Variants in TUSC3 observed in about 807,000 individuals in gnomAD.
TUSC3 encodes the protein tumor suppressor candidate 3, also known as dolichyl-diphosphooligosaccharide--protein glycosyltransferase subunit TUSC3.
A neutral mutation model predicts 44.8 loss-of-function variants in TUSC3; 45 were observed. That is an observed-to-expected ratio of 1.00 (90% CI 0.79 to 1.29). The LOEUF (loss-of-function observed/expected upper bound fraction) is 1.29. Among genes scored for constraint, TUSC3 ranks in the 50% most tolerant of loss-of-function variants. TUSC3 has a pLI of 0.00. For synonymous variants in TUSC3, 212 were observed against 152.9 expected (o/e 1.39, Z -2.85); for missense variants, 519 against 437.9 (o/e 1.19, Z -1.65).
the TUSC3 span, among the ~76,000 whole-genome samples, chr8:15,813,838 G>A: frequency 8.2e-3 from 1,241 of 151,992 alleles, 10 homozygotes; most frequent in African/African-American, 0.028. Flanking sequence ...GAAGTATTAC[G>A]TTGAGGCAGT....
At chr8:15,656,100 T>G (rs1585198884) in intron 3 of TUSC3, among the ~76,000 whole-genome samples, 1 of 151,874 alleles carries the variant, frequency 6.6e-6, no homozygotes, top group Admixed American at 6.6e-5. Context: ...AATATGATGG[T>G]TTGAATATTT....
chr8:15,808,422 C>G, the TUSC3 span, among the ~76,000 whole-genome samples: 1 of 152,102 alleles, frequency 6.6e-6, no homozygotes, highest in Non-Finnish European at 1.5e-5. Context: ...CATTTTATTA[C>G]TATCAGTGAG....
intron 1 of TUSC3, among the ~76,000 whole-genome samples, chr8:15,427,410 C>T (rs1209748336): frequency 6.6e-6 from 1 of 151,892 alleles, no homozygotes; most frequent in African/African-American, 2.4e-5. Flanking sequence ...TAGCTGGCAC[C>T]AGGGAAAGGC....
intron 1 of TUSC3, among the ~76,000 whole-genome samples, chr8:15,621,190 T>C (rs1805229146): frequency 6.6e-6 from 1 of 151,844 alleles, no homozygotes; most frequent in African/African-American, 2.4e-5. Context: ...TTTTATCTTA[T>C]TATTTTAAAA....
chr8:15,430,548 A>T (rs1202129372), intron 1 of TUSC3, among the ~76,000 whole-genome samples: 1 of 151,190 alleles, frequency 6.6e-6, no homozygotes, highest in African/African-American at 2.5e-5. Context: ...AACTGGAAGC[A>T]TTCCCTTTGC....
chr8:15,693,448 T>G (rs923879428), intron 6 of TUSC3, among the ~76,000 whole-genome samples: 1 of 148,748 alleles, frequency 6.7e-6, no homozygotes, highest in East Asian at 2.0e-4. Flanking sequence ...GTTCTTTTTT[T>G]TTTTTTTTTT....
At chr8:15,700,509 C>T (rs1809351920) in intron 6 of TUSC3, among the ~76,000 whole-genome samples, 1 of 152,068 alleles carries the variant, frequency 6.6e-6, no homozygotes, top group Non-Finnish European at 1.5e-5. Context: ...TAAATTTCTT[C>T]AGTTAATGGA....
chr8:15,718,434 C>T (rs1810148959), intron 6 of TUSC3, among the ~76,000 whole-genome samples: 1 of 152,008 alleles, frequency 6.6e-6, no homozygotes, highest in East Asian at 1.9e-4. Flanking sequence ...TTTATGTGTA[C>T]AGTTTTGATT....
At chr8:15,447,473 C>G (rs928083187) in intron 1 of TUSC3, among the ~76,000 whole-genome samples, 1 of 151,770 alleles carries the variant, frequency 6.6e-6, no homozygotes, top group African/African-American at 2.4e-5. Flanking sequence ...AAAAAGTTTC[C>G]TAGGAAGAAA....
At chr8:15,785,968 T>C in the TUSC3 span, among the ~76,000 whole-genome samples, 1 of 152,232 alleles carries the variant, frequency 6.6e-6, no homozygotes, top group African/African-American at 2.4e-5. Flanking sequence ...AAATGTATTA[T>C]ATGAAAGGCA....
chr8:15,643,848 TTAAG>T (rs1322929073), intron 2 of TUSC3, among the ~76,000 whole-genome samples: 4 of 152,150 alleles, frequency 2.6e-5, no homozygotes, highest in African/African-American at 4.8e-5. Flanking sequence ...GACCAGAACC[TTAAG>T]TAATAGGTGA....
chr8:15,727,436 T>A (rs1203277875), intron 6 of TUSC3, among the ~76,000 whole-genome samples: 1 of 152,132 alleles, frequency 6.6e-6, no homozygotes, highest in African/African-American at 2.4e-5. Flanking sequence ...AATATAGGTA[T>A]TTTTTCCTAT....
intron 1 of TUSC3, among the ~76,000 whole-genome samples, chr8:15,553,323 A>G (rs1390889940): frequency 6.6e-6 from 1 of 151,698 alleles, no homozygotes; most frequent in African/African-American, 2.4e-5. Context: ...ACCTGTTGCA[A>G]ACCCCTCAAA....
At chr8:15,522,209 A>T (rs2129129563) in intron 2 of TUSC3, among the ~76,000 whole-genome samples, 1 of 152,060 alleles carries the variant, frequency 6.6e-6, no homozygotes, top group African/African-American at 2.4e-5. Context: ...AAGTGCTAGT[A>T]AGTCAATAAA....
At chr8:15,745,116 T>C (rs1041855852) in intron 8 of TUSC3, among the ~76,000 whole-genome samples, 1 of 152,114 alleles carries the variant, frequency 6.6e-6, no homozygotes, top group Non-Finnish European at 1.5e-5. Flanking sequence ...GTAAAGGAGA[T>C]GATTTTGTTC....
intron 1 of TUSC3, among the ~76,000 whole-genome samples, chr8:15,478,114 G>T (rs1346623618): frequency 6.6e-6 from 1 of 151,794 alleles, no homozygotes; most frequent in Non-Finnish European, 1.5e-5. Context: ...GCACCACCAT[G>T]CCCAGCTAAC....
chr8:15,839,509 G>T, the TUSC3 span, among the ~76,000 whole-genome samples: 418 of 146,516 alleles, frequency 2.9e-3, 1 homozygote, highest in African/African-American at 0.01. Context: ...AATCTACAAA[G>T]AACTCAAACA....
At chr8:15,561,746 G>C (rs566345877) in intron 1 of TUSC3, 2 of 145,410 alleles carry the variant, frequency 1.4e-5, no homozygotes, top group Non-Finnish European at 3.1e-5. Context: ...CGCAGTATTC[G>C]GGTATGAGTG....
At chr8:15,745,873 A>C (rs1811393081) in intron 8 of TUSC3, among the ~76,000 whole-genome samples, 1 of 124,494 alleles carries the variant, frequency 8.0e-6, no homozygotes, top group South Asian at 2.5e-4. Flanking sequence ...ATGTTGAGAC[A>C]GGCATTTCCT....
Sources: gnomAD v4.1 joint callset for allele counts (sites outside exome capture counted in the v4.1 genomes callset) on GRCh38, gnomAD v4.1.1 for gene constraint, MANE v1.5 for transcripts, NCBI Gene and HGNC (gene_info 2026-07-23, HGNC 2026-07-21) for gene names.